Variants in FHOD3 observed in about 807,000 individuals in gnomAD.
FHOD3 encodes FH1/FH2 domain-containing protein 3.
A neutral mutation model predicts 173.0 loss-of-function variants in FHOD3; 90 were observed. That is an observed-to-expected ratio of 0.52 (90% CI 0.44 to 0.62). FHOD3 has a LOEUF of 0.62. FHOD3 is among the 20% of genes least tolerant of loss of function. The pLI, the probability that FHOD3 is intolerant of heterozygous loss-of-function variation, is 0.00. For missense variants in FHOD3, 1,945 were observed against 2,034.7 expected (o/e 0.96, Z 0.85); for synonymous variants, 828 against 823.0 (o/e 1.01, Z -0.10).
intron 20 of FHOD3, among the ~76,000 whole-genome samples, chr18:36,732,823 C>A (rs2041436580): frequency 6.6e-6 from 1 of 152,152 alleles, no homozygotes; most frequent in Admixed American, 6.5e-5. Flanking sequence ...GTTGGGTGGA[C>A]CTGGATGTAC....
intron 28 of FHOD3, among the ~76,000 whole-genome samples, chr18:36,772,441 G>A (rs2043427522): frequency 6.6e-6 from 1 of 152,238 alleles, no homozygotes; most frequent in South Asian, 2.1e-4. Flanking sequence ...AATGAGGCAA[G>A]TGGATAATGA....
chr18:36,488,935 C>T (rs1362592422), intron 3 of FHOD3, among the ~76,000 whole-genome samples: 1 of 152,102 alleles, frequency 6.6e-6, no homozygotes, highest in Non-Finnish European at 1.5e-5. Context: ...AGGTGGGAGA[C>T]AGGTTCAGGA....
intron 3 of FHOD3, among the ~76,000 whole-genome samples, chr18:36,400,858 G>T (rs569264670): frequency 1.3e-5 from 2 of 152,200 alleles, no homozygotes; most frequent in Non-Finnish European, 2.9e-5. Context: ...CAGAATAAGT[G>T]GTCACAAAAG....
intron 10 of FHOD3, among the ~76,000 whole-genome samples, chr18:36,640,048 G>C (rs1409433721): frequency 6.6e-6 from 1 of 152,084 alleles, no homozygotes; most frequent in Non-Finnish European, 1.5e-5. Context: ...ATATTTATTT[G>C]ATTCTAAAAC....
At chr18:36,533,329 G>A (rs1254093350) in intron 5 of FHOD3, among the ~76,000 whole-genome samples, 1 of 152,254 alleles carries the variant, frequency 6.6e-6, no homozygotes, top group East Asian at 1.9e-4. Context: ...GGCAGTGTCT[G>A]CCCTACTACT....
chr18:36,751,281 G>T (rs1269734822), intron 24 of FHOD3, among the ~76,000 whole-genome samples: 1 of 152,166 alleles, frequency 6.6e-6, no homozygotes, highest in Non-Finnish European at 1.5e-5. Flanking sequence ...CTCTCAGCTT[G>T]ACTGTTGTTG....
chr18:36,319,510 A>G (rs1163162035), intron 1 of FHOD3, among the ~76,000 whole-genome samples: 1 of 152,222 alleles, frequency 6.6e-6, no homozygotes, highest in Non-Finnish European at 1.5e-5. Context: ...ACCTACAAAG[A>G]GATTTAGACT....
intron 14 of FHOD3, among the ~76,000 whole-genome samples, chr18:36,678,665 G>GTT (rs567461915): frequency 2.7e-5 from 4 of 146,384 alleles, no homozygotes; most frequent in African/African-American, 5.0e-5. Context: ...ATAGTAAAGG[G>GTT]TTTTTTTTTT....
At chr18:36,348,655 C>G (rs1236035977) in intron 1 of FHOD3, among the ~76,000 whole-genome samples, 1 of 152,156 alleles carries the variant, frequency 6.6e-6, no homozygotes, top group Non-Finnish European at 1.5e-5. Context: ...CTGACTGCTC[C>G]CTCACTCCCC....
chr18:36,584,374 T>C (rs1480923969), intron 6 of FHOD3, among the ~76,000 whole-genome samples: 1 of 152,212 alleles, frequency 6.6e-6, no homozygotes, highest in East Asian at 1.9e-4. Context: ...TCTTTCCAGC[T>C]GGAAGCCAGA....
chr18:36,673,227 T>C (rs2037647354), intron 14 of FHOD3, among the ~76,000 whole-genome samples: 1 of 152,194 alleles, frequency 6.6e-6, no homozygotes, highest in Non-Finnish European at 1.5e-5. Context: ...CTTGTATCGT[T>C]CTTCTGGCAA....
intron 5 of FHOD3, among the ~76,000 whole-genome samples, chr18:36,536,530 G>T (rs1340632048): frequency 2.0e-5 from 3 of 152,220 alleles, no homozygotes; most frequent in Non-Finnish European, 4.4e-5. Context: ...GCTCCCCTCT[G>T]CAGGTTTTCT....
intron 16 of FHOD3, among the ~76,000 whole-genome samples, chr18:36,689,626 A>G (rs1273587134): frequency 1.3e-5 from 2 of 152,188 alleles, no homozygotes; most frequent in African/African-American, 4.8e-5. Context: ...AATGACATTC[A>G]CAAATAATTT....
intron 3 of FHOD3, among the ~76,000 whole-genome samples, chr18:36,416,739 G>T (rs893393077): frequency 6.6e-6 from 1 of 152,078 alleles, no homozygotes; most frequent in Non-Finnish European, 1.5e-5. Context: ...GCTTTGCAGG[G>T]TGATCTTTCT....
chr18:36,682,445 TCCC>T (rs1158509713), intron 15 of FHOD3, among the ~76,000 whole-genome samples: 1 of 152,176 alleles, frequency 6.6e-6, no homozygotes, highest in East Asian at 1.9e-4. Context: ...TTCATTTTTC[TCCC>T]CATCTCTACC....
At chr18:36,420,820 T>A (rs752156407) in intron 3 of FHOD3, among the ~76,000 whole-genome samples, 2 of 152,230 alleles carry the variant, frequency 1.3e-5, no homozygotes, top group Non-Finnish European at 2.9e-5. Context: ...GGGGACTGTC[T>A]GGTGGCAGTG....
chr18:36,427,011 T>G (rs544829394), intron 3 of FHOD3, among the ~76,000 whole-genome samples: 12 of 152,288 alleles, frequency 7.9e-5, no homozygotes, highest in Admixed American at 7.2e-4. Flanking sequence ...TTTTCCATTT[T>G]AAATAAGGCA....
At chr18:36,580,169 TC>T (rs530178082) in intron 6 of FHOD3, among the ~76,000 whole-genome samples, 55 of 152,298 alleles carry the variant, frequency 3.6e-4, no homozygotes, top group African/African-American at 1.3e-3. Flanking sequence ...TTTCCCAGCC[TC>T]CCCATCCTAC....
intron 7 of FHOD3, among the ~76,000 whole-genome samples, chr18:36,598,567 T>G (rs186703047): frequency 6.6e-6 from 1 of 152,242 alleles, no homozygotes; most frequent in Non-Finnish European, 1.5e-5. Context: ...ATTTTTTTTT[T>G]TTTTAGACGG....
Sources: gnomAD v4.1 joint callset for allele counts (sites outside exome capture counted in the v4.1 genomes callset) on GRCh38, gnomAD v4.1.1 for gene constraint, MANE v1.5 for transcripts, NCBI Gene and HGNC (gene_info 2026-07-23, HGNC 2026-07-21) for gene names.